Variants in TMEM74B observed in about 807,000 individuals in gnomAD.
TMEM74B encodes the protein transmembrane protein 74B.
Under a neutral mutation model 6.5 loss-of-function variants are expected in TMEM74B, and 7 were observed. The observed-to-expected ratio is 1.07, with a 90% confidence interval of 0.61 to 2.01. The LOEUF is 2.01. TMEM74B is among the 30% of genes most tolerant of loss of function. TMEM74B has a pLI of 0.00. For synonymous variants in TMEM74B, 151 were observed against 151.6 expected (o/e 1.00, Z 0.03); for missense variants, 342 against 337.0 (o/e 1.01, Z -0.12).
At chr20:1,182,705 C>T (rs2086904697) in intron 2 of TMEM74B, among the ~76,000 whole-genome samples, 1 of 152,094 alleles carries the variant, frequency 6.6e-6, no homozygotes, top group Non-Finnish European at 1.5e-5. Context: ...GGAGTTACCC[C>T]ACCCAAGAAC....
In TMEM74B at chr20:1,184,339, CAG is replaced by C. The variant is rs1363531262; in HGVS notation, c.-187_-186del. On this transcript the variant is annotated 5_prime_UTR_variant, in exon 1 of 3. It removes the in-frame stop codon of an upstream open reading frame in the 5' UTR. Coordinates refer to ENST00000429036, the MANE Select transcript of TMEM74B (RefSeq NM_001304748.2). This position sits in a 1 kb window ranked among gnomAD's most constrained non-coding sequence, Gnocchi z 6.0. ...CATCTCTCTGTTTCATGCCCAGGTT[CAG>C]AGATATTCACCAGTTACACAAAGGC... is the stretch of plus-strand genomic sequence containing the variant. 1.3e-5 allele frequency: 2 copies of C among 152,744 alleles called. No individual in the cohort carries two copies. Among genetic ancestry groups the C allele is most frequent in the Admixed American group, 6.5e-5 (1 of 15,288 alleles). The allele number at this position is 152,744 out of a possible 1,614,324, so 9.5% of individuals were successfully genotyped here.
chr20:1,182,527 G>GGGATGGCATGGCTAAAACAGGTTGA (rs569733009), intron 2 of TMEM74B, among the ~76,000 whole-genome samples: 1,841 of 152,150 alleles, frequency 0.012, 23 homozygotes, highest in Non-Finnish European at 0.019. Context: ...CAGCAGGTTG[G>GGGATGGCATGGCTAAAACAGGTTGA]GGATGGCATG....
At chr20:1,189,391 T>C (rs73577442), upstream of TMEM74B, 198 of 152,346 alleles carry the variant, frequency 1.3e-3, no homozygotes, top group African/African-American at 4.6e-3. The surrounding 1 kb of genome is among the most constrained non-coding windows in gnomAD (Gnocchi z 4.5). Context: ...TATGGAAATA[T>C]AAATAAAGTA....
chr20:1,188,426 A>G (rs1039139037), upstream of TMEM74B, among the ~76,000 whole-genome samples: 1 of 148,572 alleles, frequency 6.7e-6, no homozygotes, highest in African/African-American at 2.6e-5. Flanking sequence ...ACACACACAC[A>G]CCACACACCA....
At position 1,181,477 on chromosome 20, in the gene TMEM74B, G is replaced by T. The variant is rs900497476; in HGVS notation, c.142C>A (p.Pro48Thr). 6.6e-7 allele frequency: 1 copy of T among 1,513,250 alleles called. No homozygotes were observed. The highest frequency in any genetic ancestry group is 2.3e-5 in the Admixed American group (1 of 43,468). The allele number at this position is 1,513,250 out of a possible 1,614,324, so 93.7% of individuals were successfully genotyped here. A position where few individuals can be genotyped will look rare whatever the true frequency, so the allele number is the denominator to read the frequency against. The change falls in exon 3 of 3, where the codon CCC (proline) becomes ACC (threonine). Residue 48 changes from proline to threonine, a missense_variant. Physicochemically the swap from Pro to Thr is conservative, Grantham distance 38. Transcript: ENST00000429036. The surrounding 1 kb of genome is among the most constrained non-coding windows in gnomAD (Gnocchi z 4.9). ...NGPQAPRRSA[P>T]LGPVAPTREG... ...CTGGTTGGGGCCACTGGGCCCAGGG[G>T]AGCTGATCTCCTTGGGGCTTGGGGA... is the stretch of plus-strand genomic sequence containing the variant.
intron 2 of TMEM74B, among the ~76,000 whole-genome samples, chr20:1,182,703 C>G (rs868107665): frequency 2.0e-5 from 3 of 152,052 alleles, no homozygotes; most frequent in African/African-American, 7.2e-5. Context: ...GAGGAGTTAC[C>G]CCACCCAAGA....
At chr20:1,185,210 G>C (rs1273750780), upstream of TMEM74B, 1 of 151,666 alleles carries the variant, frequency 6.6e-6, no homozygotes, top group Admixed American at 6.6e-5. Flanking sequence ...GCGAGGGTGC[G>C]TCCTCTCCGG....
upstream of TMEM74B, among the ~76,000 whole-genome samples, chr20:1,187,087 T>A (rs1049183458): frequency 1.6e-4 from 24 of 152,202 alleles, no homozygotes; most frequent in African/African-American, 5.3e-4. Flanking sequence ...GGGACGTTTT[T>A]CTTTCTGATA....
Position 1,180,925 on chromosome 20 carries a change from C to T in TMEM74B, c.694G>A (p.Gly232Arg), listed in dbSNP as rs2086843733. 6 of 1,613,916 alleles carry T rather than the reference C, an allele frequency of 3.7e-6. No homozygotes were observed. In the African/African-American group the frequency reaches 5.3e-5, roughly 14 times the overall value. Residue 232 changes from glycine to arginine, a missense_variant, in exon 3 of 3, where the codon GGG becomes AGG. By Grantham distance (125) the Gly-to-Arg change is moderately radical. Coordinates refer to ENST00000429036, the MANE Select transcript of TMEM74B (RefSeq NM_001304748.2). This position sits in a 1 kb window ranked among gnomAD's most constrained non-coding sequence, Gnocchi z 6.1. The stretch of plus-strand genomic sequence containing the variant: ...TCCACCAGGGCCTGGCCCCCATCCC[C>T]ATTGAGCTGTCTCATGCGCAGGTTA... ...SINLRMRQLNGDGGQALVENE... is the reference protein window; with the variant it reads ...SINLRMRQLNRDGGQALVENE...
At chr20:1,185,670 C>T (rs2087005518), upstream of TMEM74B, among the ~76,000 whole-genome samples, 1 of 149,628 alleles carries the variant, frequency 6.7e-6, no homozygotes, top group Non-Finnish European at 1.5e-5. Context: ...GCTTAGGGAA[C>T]TGGGGCTTGG....
At chr20:1,182,548 C>T (rs781707782) in intron 2 of TMEM74B, among the ~76,000 whole-genome samples, 8 of 147,672 alleles carry the variant, frequency 5.4e-5, no homozygotes, top group South Asian at 4.2e-4. Flanking sequence ...GCTAAAAGGG[C>T]CAAGAGGAAG....
upstream of TMEM74B, among the ~76,000 whole-genome samples, chr20:1,188,667 A>C (rs1310754146): frequency 6.6e-6 from 1 of 151,384 alleles, no homozygotes; most frequent in Non-Finnish European, 1.5e-5. Context: ...CTACACACAC[A>C]CCACACACAC....
Position 1,181,737 on chromosome 20 carries a change from CGAT to C in TMEM74B, c.32-153_32-151del. On this transcript the variant is annotated intron_variant, in intron 2 of 2. Transcript: ENST00000429036. This position sits in a 1 kb window ranked among gnomAD's most constrained non-coding sequence, Gnocchi z 4.9. ...ACAGAGGGGAAGACAGGGAATAAGA[CGAT>C]GACAGAACAGTGTGATCCAAGCCCA... 1.1e-6 allele frequency: 1 copy of C among 903,716 alleles called. No homozygotes were observed. The highest frequency in any genetic ancestry group is 1.5e-6 in the Non-Finnish European group (1 of 668,990). 56.0% of individuals were successfully genotyped at this position (903,716 alleles called of 1,614,324 possible). A position where few individuals can be genotyped will look rare whatever the true frequency, so the allele number is the denominator to read the frequency against.
Position 1,183,887 on chromosome 20 carries a change from T to C in TMEM74B, c.-86A>G, listed in dbSNP as rs2086947718. The C allele has an allele frequency of 6.5e-7, 1 of 1,528,556 alleles. No individual in the cohort carries two copies. Among genetic ancestry groups the C allele is most frequent in the Non-Finnish European group, 9.0e-7 (1 of 1,113,368 alleles). 94.7% of individuals were successfully genotyped at this position (1,528,556 alleles called of 1,614,324 possible). On this transcript the variant is annotated 5_prime_UTR_variant, in exon 2 of 3. Transcript: ENST00000429036. ...CTGTTTATCAGCAACCGTGAGCACC[T>C]TGAGAGCAGGCATAAGTTTGAATTC... is the stretch of plus-strand genomic sequence containing the variant.
chr20:1,182,531 T>G (rs894514313), intron 2 of TMEM74B, among the ~76,000 whole-genome samples: 40 of 151,964 alleles, frequency 2.6e-4, no homozygotes, highest in African/African-American at 9.4e-4. Flanking sequence ...AGGTTGGGGA[T>G]GGCATGGCTA....
intron 2 of TMEM74B, among the ~76,000 whole-genome samples, chr20:1,182,651 C>T (rs372010200): frequency 6.6e-6 from 1 of 151,878 alleles, no homozygotes; most frequent in Non-Finnish European, 1.5e-5. Context: ...GGAGGGGAAC[C>T]GGGAGGGAGA....
intron 2 of TMEM74B, among the ~76,000 whole-genome samples, chr20:1,183,305 TGTG>T (rs2086923974): frequency 6.6e-6 from 1 of 150,848 alleles, no homozygotes; most frequent in Admixed American, 6.7e-5. Context: ...TGTGTGTGTG[TGTG>T]TGTGTGTTTG....
At chr20:1,188,155 T>TACACACAC (rs138460101), upstream of TMEM74B, among the ~76,000 whole-genome samples, 8 of 141,158 alleles carry the variant, frequency 5.7e-5, no homozygotes, top group African/African-American at 1.6e-4. Flanking sequence ...ATATATATAA[T>TACACACAC]ACACACACAC....
chr20:1,180,928 T>TG lies in TMEM74B; in HGVS notation c.690dup (p.Asn231GlnfsTer12), dbSNP rs772936888. 2 of 1,612,932 alleles carry TG rather than the reference T, an allele frequency of 1.2e-6. No individual in the cohort carries two copies. Among genetic ancestry groups the TG allele is most frequent in the South Asian group, 2.2e-5 (2 of 91,042 alleles). On this transcript the variant is annotated frameshift_variant, in exon 3 of 3. Transcript: ENST00000429036. LOFTEE classifies it high-confidence loss of function. The surrounding 1 kb of genome is among the most constrained non-coding windows in gnomAD (Gnocchi z 6.1). ...ACCAGGGCCTGGCCCCCATCCCCAT[T>TG]GAGCTGTCTCATGCGCAGGTTAATG...
Sources: allele counts gnomAD v4.1 joint callset (sites outside exome capture counted in the v4.1 genomes callset), GRCh38; gene constraint gnomAD v4.1.1; non-coding constraint Gnocchi (gnomAD v3.1); transcripts MANE v1.5; gene names NCBI Gene and HGNC (gene_info 2026-07-23, HGNC 2026-07-21).